Variants in POMGNT2 observed in about 807,000 individuals in gnomAD.
POMGNT2 encodes protein O-linked mannose N-acetylglucosaminyltransferase 2 (beta 1,4-), also known as protein O-linked-mannose beta-1,4-N-acetylglucosaminyltransferase 2.
A neutral mutation model predicts 37.8 loss-of-function variants in POMGNT2; 32 were observed. The observed-to-expected ratio is 0.85, with a 90% CI of 0.64 to 1.14. The LOEUF (loss-of-function observed/expected upper bound fraction) is 1.14, where lower values mean the gene tolerates loss of function less well. Among genes scored for constraint, POMGNT2 ranks in the 50% most tolerant of loss-of-function variants. The pLI is 0.00. For synonymous variants in POMGNT2, 340 were observed against 336.8 expected, an observed-to-expected ratio of 1.01 and a Z score of -0.10; for missense variants, 705 against 780.6, an observed-to-expected ratio of 0.90 and a Z score of 1.15.
At chr3:43,088,416 G>C (rs1357826862) in intron 1 of POMGNT2, among the ~76,000 whole-genome samples, 1 of 152,222 alleles carries the variant, frequency 6.6e-6, no homozygotes, top group Non-Finnish European at 1.5e-5. Flanking sequence ...TCCAGGTCGA[G>C]TGTACTGACA....
chr3:43,084,881 T>C (rs75782899), intron 1 of POMGNT2, among the ~76,000 whole-genome samples: 1,590 of 151,450 alleles, frequency 0.01, 24 homozygotes, highest in African/African-American at 0.037. Context: ...TTATAACTTC[T>C]TTTTTTTTGC....
Position 43,080,171 on chromosome 3 carries a change from C to G in POMGNT2, c.1261G>C (p.Glu421Gln), listed in dbSNP as rs371278382. Residue 421 changes from glutamate (E) to glutamine (Q), a missense_variant, in exon 2 of 2, where the codon GAG becomes CAG. Coordinates refer to ENST00000344697, the MANE Select transcript of POMGNT2 (RefSeq NM_032806.6). ...QGGITHLDRA[E>Q]QARILQSREV... Reference sequence around the variant, plus strand: ...CGGCTTTGCAGGATACGGGCTTGCTCAGCCCGGTCCAGATGGGTGATGCCC... The same window carrying G: ...CGGCTTTGCAGGATACGGGCTTGCTGAGCCCGGTCCAGATGGGTGATGCCC... 1 of 1,613,936 alleles carries G rather than the reference C, an allele frequency of 6.2e-7. No homozygotes were observed. Among genetic ancestry groups the G allele is most frequent in the South Asian group, 1.1e-5 (1 of 91,074 alleles).
At chr3:43,088,966 C>T (rs1157037681) in intron 1 of POMGNT2, among the ~76,000 whole-genome samples, 1 of 152,202 alleles carries the variant, frequency 6.6e-6, no homozygotes, top group Non-Finnish European at 1.5e-5. Context: ...ATGAGGCAAA[C>T]ATGCAGGGTC....
In POMGNT2 at chr3:43,080,329, G is replaced by C. The variant is rs768885903; in HGVS notation, c.1103C>G (p.Ala368Gly). ...GGGAGTGTAGTGGTCGGGATTGACA[G>C]CATATGGGAAGAGCTCTACCACAGT... is the stretch of plus-strand genomic sequence containing the variant. ...GATVVELFPY[A>G]VNPDHYTPYK... is the part of the protein sequence containing the mutation. The change falls in exon 2 of 2, where the codon GCT becomes GGT. Residue 368 changes from alanine (A) to glycine (G), a missense_variant. Transcript: ENST00000344697. 1 of 1,614,080 alleles carries C rather than the reference G, an allele frequency of 6.2e-7. No individual in the cohort carries two copies.
Position 43,081,140 on chromosome 3 carries a change from C to A in POMGNT2, c.292G>T (p.Gly98Cys). Residue 98 changes from glycine to cysteine, a missense_variant, in exon 2 of 2, where the codon GGC becomes TGC. Gly to Cys is a radical substitution (Grantham distance 159). Transcript: ENST00000344697. The stretch of plus-strand genomic sequence containing the variant: ...TTGGGCAGCATGACAGAGGTGTTGC[C>A]ATGGAAGAAGATGAACTCCTCAGCC... The part of the protein sequence containing the change: ...NEAEEFIFFH[G>C]NTSVMLPNLG... 6.2e-7 allele frequency: 1 copy of A among 1,614,198 alleles called. No homozygotes were observed. The highest frequency in any genetic ancestry group is 8.5e-7 in the Non-Finnish European group (1 of 1,180,028).
Position 43,080,863 on chromosome 3 carries a change from C to A in POMGNT2, c.569G>T (p.Arg190Leu). ...GCCCCAGCCCTCCATGAAGAAGAGCCGTGCCTCGTGGGCCAGGCCGGGAAA... is the reference window on the plus strand; with the variant it reads ...GCCCCAGCCCTCCATGAAGAAGAGCAGTGCCTCGTGGGCCAGGCCGGGAAA... Reference protein sequence around the residue: ...RQFPGLAHEARLFFMEGWGEG... With the variant: ...RQFPGLAHEALLFFMEGWGEG... The change falls in exon 2 of 2, where the codon CGG becomes CTG. Residue 190 changes from arginine (R) to leucine (L), a missense_variant. Transcript: ENST00000344697. 6.2e-7 allele frequency: 1 copy of A among 1,614,072 alleles called. No individual in the cohort carries two copies. The highest frequency in any genetic ancestry group is 8.5e-7 in the Non-Finnish European group (1 of 1,179,992).
In POMGNT2 at chr3:43,080,576, C is replaced by T. The variant is rs760408813; in HGVS notation, c.856G>A (p.Glu286Lys). 7.4e-6 allele frequency: 12 copies of T among 1,614,116 alleles called. No individual in the cohort carries two copies. In the East Asian group the frequency reaches 1.8e-4, roughly 24 times the overall value. ...NVSHTGVPLGEEYILVFSRTQ... is the reference protein window; with the variant it reads ...NVSHTGVPLGKEYILVFSRTQ... ...CGGCTAAAGACCAGAATGTACTCCT[C>T]GCCTAGGGGGACTCCTGTGTGGCTC... Residue 286 changes from glutamate to lysine, a missense_variant, in exon 2 of 2, where the codon GAG (glutamate) becomes AAG (lysine). Coordinates refer to ENST00000344697, the MANE Select transcript of POMGNT2 (RefSeq NM_032806.6).
At chr3:43,099,288 G>A (rs2090000764) in intron 1 of POMGNT2, among the ~76,000 whole-genome samples, 1 of 152,182 alleles carries the variant, frequency 6.6e-6, no homozygotes, top group Admixed American at 6.5e-5. Flanking sequence ...GAAACACGAG[G>A]AAGTGTGCAC....
intron 1 of POMGNT2, among the ~76,000 whole-genome samples, chr3:43,102,392 A>G (rs1337790824): frequency 6.6e-6 from 1 of 152,222 alleles, no homozygotes; most frequent in African/African-American, 2.4e-5. Flanking sequence ...GCTTGTACCA[A>G]TGGCAGTCAC....
At chr3:43,097,474 G>C (rs940082926) in intron 1 of POMGNT2, among the ~76,000 whole-genome samples, 18 of 152,184 alleles carry the variant, frequency 1.2e-4, no homozygotes, top group Non-Finnish European at 1.5e-5. Context: ...CTGTGTGGTG[G>C]GGAGGGAGGA....
In POMGNT2 at chr3:43,080,235, C is replaced by A. The variant is rs1559413998; in HGVS notation, c.1197G>T (p.Glu399Asp). ...QYVAWRNMMP[E>D]NTVTHPERPW... ...GCCGCTCAGGGTGTGTGACTGTGTT[C>A]TCTGGCATCATGTTCCGCCAGGCTA... The change falls in exon 2 of 2, where the codon GAG becomes GAT. Residue 399 changes from glutamate to aspartate, a missense_variant. Coordinates refer to ENST00000344697, the MANE Select transcript of POMGNT2 (RefSeq NM_032806.6). The A allele has an allele frequency of 6.2e-7, 1 of 1,614,062 alleles. No homozygotes were observed.
In POMGNT2 at chr3:43,081,503, C is replaced by CAGGG; in HGVS notation, c.-73_-72insCCCT. The CAGGG allele has an allele frequency of 7.7e-7, 1 of 1,293,814 alleles. No individual in the cohort carries two copies. Among genetic ancestry groups the CAGGG allele is most frequent in the Non-Finnish European group, 1.0e-6 (1 of 958,046 alleles). The allele number at this position is 1,293,814 out of a possible 1,614,324, so 80.1% of individuals were successfully genotyped here. A position where few individuals can be genotyped will look rare whatever the true frequency, so the allele number is the denominator to read the frequency against. ...CACCACAGGCCAGGCAGGCTTCACC[C>CAGGG]ATCCCTATGGGCATCCTGAGAACTG... On this transcript the variant is annotated 5_prime_UTR_variant, in exon 2 of 2. It removes an upstream start codon present in the reference 5' UTR. Coordinates refer to ENST00000344697, the MANE Select transcript of POMGNT2 (RefSeq NM_032806.6).
At chr3:43,103,452 C>T (rs2090034233) in intron 1 of POMGNT2, among the ~76,000 whole-genome samples, 2 of 152,188 alleles carry the variant, frequency 1.3e-5, no homozygotes, top group African/African-American at 4.8e-5. Context: ...GCCCCCTCAC[C>T]CAGCCCTGCT....
In POMGNT2 at chr3:43,080,419, G is replaced by C; in HGVS notation, c.1013C>G (p.Ala338Gly). Residue 338 changes from alanine (A) to glycine (G), a missense_variant, in exon 2 of 2, where the codon GCC becomes GGC. By Grantham distance (60) the Ala-to-Gly change is moderately conservative. Transcript: ENST00000344697. ...FADVVRLVSN[A>G]SMLVSMHGAQ... ...CCCATGCATGCTGACCAGCATGGAGGCATTGCTGACCAGCCGCACGACATC... is the reference window on the plus strand; with the variant it reads ...CCCATGCATGCTGACCAGCATGGAGCCATTGCTGACCAGCCGCACGACATC... 6.2e-7 allele frequency: 1 copy of C among 1,614,162 alleles called. No individual in the cohort carries two copies. Among genetic ancestry groups the C allele is most frequent in the Non-Finnish European group, 8.5e-7 (1 of 1,180,008 alleles).
intron 1 of POMGNT2, among the ~76,000 whole-genome samples, chr3:43,097,408 T>C (rs1247787414): frequency 6.6e-6 from 1 of 152,004 alleles, no homozygotes; most frequent in Non-Finnish European, 1.5e-5. Context: ...CTCACAGATC[T>C]GTCAGGGTTG....
chr3:43,099,789 G>A (rs1435032022), intron 1 of POMGNT2, among the ~76,000 whole-genome samples: 1 of 152,048 alleles, frequency 6.6e-6, no homozygotes, highest in Non-Finnish European at 1.5e-5. Context: ...GGAGGTGACA[G>A]AATTAGGCTG....
At chr3:43,104,624 A>T (rs1949585) in intron 1 of POMGNT2, among the ~76,000 whole-genome samples, 64,548 of 152,074 alleles carry the variant, frequency 0.42, 14,556 homozygotes, top group East Asian at 0.62. Flanking sequence ...AGATTCCTCA[A>T]AATTAATATT....
rs1011082019 is a variant in POMGNT2 at position 43,098,562 on chromosome 3, C to G, written c.-106+7274G>C. 6.6e-6 allele frequency among the ~76,000 whole-genome samples: 1 copy of G among 152,184 alleles called. No homozygotes were observed. Among genetic ancestry groups the G allele is most frequent in the African/African-American group, 2.4e-5 (1 of 41,440 alleles). On this transcript the variant is annotated intron_variant, in intron 1 of 1. Coordinates refer to ENST00000344697, the MANE Select transcript of POMGNT2 (RefSeq NM_032806.6). This position sits in a 1 kb window ranked among gnomAD's most constrained non-coding sequence, Gnocchi z 4.3. ...AACTTAACACATTTAATTATCAAGG[C>G]ATATTTAACATTTAGTTAAGGGCTC...
intron 1 of POMGNT2, among the ~76,000 whole-genome samples, chr3:43,086,015 T>C (rs756263954): frequency 1.3e-5 from 2 of 152,144 alleles, no homozygotes; most frequent in Non-Finnish European, 2.9e-5. Flanking sequence ...ATGTTTTATA[T>C]ATAATGTCCA....
Sources: allele counts gnomAD v4.1 joint callset (sites outside exome capture counted in the v4.1 genomes callset), GRCh38; gene constraint gnomAD v4.1.1; non-coding constraint Gnocchi (gnomAD v3.1); transcripts MANE v1.5; gene names NCBI Gene and HGNC (gene_info 2026-07-23, HGNC 2026-07-21).